Variants in CALN1 observed in about 807,000 individuals in gnomAD.
The protein encoded by CALN1 is calcium-binding protein 8.
Under a neutral mutation model 30.6 loss-of-function variants are expected in CALN1, and 17 were observed. The ratio of observed to expected loss-of-function variants is 0.56; its 90% confidence interval spans 0.38 to 0.83. The LOEUF is 0.83. Ranked by LOEUF, CALN1 falls within the 40% of genes least tolerant of loss-of-function variation. CALN1 has a pLI of 0.00. For missense variants in CALN1, 291 were observed against 354.9 expected, an observed-to-expected ratio of 0.82 and a Z score of 1.45; for synonymous variants, 156 against 131.4, an observed-to-expected ratio of 1.19 and a Z score of -1.28.
At chr7:72,164,643 A>G (rs1170110978) in intron 3 of CALN1, among the ~76,000 whole-genome samples, 1 of 152,206 alleles carries the variant, frequency 6.6e-6, no homozygotes, top group Non-Finnish European at 1.5e-5. Flanking sequence ...TTGTGATGGC[A>G]GCCCAGAAAC....
At chr7:72,379,774 C>T (rs1804780060) in intron 2 of CALN1, among the ~76,000 whole-genome samples, 1 of 152,222 alleles carries the variant, frequency 6.6e-6, no homozygotes, top group African/African-American at 2.4e-5. Flanking sequence ...CATCCATCCA[C>T]CCCTAAGCAG....
At chr7:72,400,398 AC>A in intron 2 of CALN1, among the ~76,000 whole-genome samples, 1 of 152,314 alleles carries the variant, frequency 6.6e-6, no homozygotes, top group South Asian at 2.1e-4. Context: ...GGACAGAGAA[AC>A]CCAAGAGACT....
At chr7:72,250,522 G>C (rs1471367101) in intron 3 of CALN1, among the ~76,000 whole-genome samples, 1 of 152,150 alleles carries the variant, frequency 6.6e-6, no homozygotes, top group Non-Finnish European at 1.5e-5. Context: ...ATATAGTTCA[G>C]ATGTCTGTCC....
chr7:71,938,840 C>T (rs1288192229), intron 5 of CALN1, among the ~76,000 whole-genome samples: 1 of 152,110 alleles, frequency 6.6e-6, no homozygotes, highest in Admixed American at 6.6e-5. Context: ...CACAGACTCA[C>T]TGAGAACAGA....
At chr7:72,455,620 G>A in the CALN1 span, among the ~76,000 whole-genome samples, 1 of 152,048 alleles carries the variant, frequency 6.6e-6, no homozygotes, top group Admixed American at 6.6e-5. Flanking sequence ...TTCTCATCGT[G>A]AGGACTGAGT....
chr7:71,902,877 CAG>C (rs1490263390), intron 5 of CALN1, among the ~76,000 whole-genome samples: 2 of 151,912 alleles, frequency 1.3e-5, no homozygotes, highest in African/African-American at 4.8e-5. Context: ...TGAAATAACT[CAG>C]AAAGTCAAAT....
chr7:72,457,652 A>C, the CALN1 span, among the ~76,000 whole-genome samples: 1 of 152,076 alleles, frequency 6.6e-6, no homozygotes, highest in Admixed American at 6.6e-5. Context: ...ATTTCCCTGA[A>C]ACAGTCACCA....
chr7:72,453,993 A>T, the CALN1 span, among the ~76,000 whole-genome samples: 24,310 of 148,198 alleles, frequency 0.16, 2,137 homozygotes, highest in Non-Finnish European at 0.2. Flanking sequence ...ACAACCAAAA[A>T]ATATATATAT....
At chr7:72,155,652 G>A (rs560773733) in intron 3 of CALN1, among the ~76,000 whole-genome samples, 2 of 152,276 alleles carry the variant, frequency 1.3e-5, no homozygotes, top group African/African-American at 4.8e-5. Context: ...CTTTGTACTA[G>A]GGAGGGCTAT....
chr7:72,391,253 G>A (rs1302244999), intron 2 of CALN1, among the ~76,000 whole-genome samples: 3 of 152,088 alleles, frequency 2.0e-5, no homozygotes, highest in South Asian at 2.1e-4. Context: ...AGCTGCAGAG[G>A]GCTAAGATGG....
chr7:72,203,166 C>A (rs1043024770), intron 3 of CALN1, among the ~76,000 whole-genome samples: 2 of 151,924 alleles, frequency 1.3e-5, no homozygotes, highest in Admixed American at 6.6e-5. Flanking sequence ...GAGGGGAACA[C>A]CACACACCAG....
chr7:72,268,955 T>C (rs1046571345), intron 3 of CALN1, among the ~76,000 whole-genome samples: 5 of 151,980 alleles, frequency 3.3e-5, no homozygotes, highest in African/African-American at 1.2e-4. Flanking sequence ...TTCAGGCAAA[T>C]GACAACAGGC....
At position 71,861,504 on chromosome 7, in the gene CALN1, G is replaced by C. The variant is rs148628481; in HGVS notation, c.502-51012C>G. Among the ~76,000 whole-genome samples, 987 of 152,120 alleles carry C rather than the reference G, an allele frequency of 6.5e-3. 14 individuals carry two copies. Among genetic ancestry groups the C allele is most frequent in the African/African-American group, 0.021 (892 of 41,506 alleles). ...CAAGAGTAATGTCCAGGCAAGATGT[G>C]GTGGCTCACACCTGTAATCCCAACA... On this transcript the variant is annotated intron_variant, in intron 5 of 6. Transcript: ENST00000395275.
At chr7:71,962,850 T>C (rs1002278907) in intron 5 of CALN1, among the ~76,000 whole-genome samples, 15 of 152,122 alleles carry the variant, frequency 9.9e-5, no homozygotes, top group Admixed American at 5.9e-4. Flanking sequence ...CAATCCCTGG[T>C]GAGATGAACA....
At chr7:72,334,861 T>C (rs765669731) in intron 2 of CALN1, among the ~76,000 whole-genome samples, 1 of 152,192 alleles carries the variant, frequency 6.6e-6, no homozygotes, top group Non-Finnish European at 1.5e-5. Flanking sequence ...CATGCAGCTA[T>C]TGCCATGAAA....
rs1181565638 is a variant in CALN1 at position 72,310,922 on chromosome 7, A to T, written c.120-32112T>A. 6.0e-5 allele frequency among the ~76,000 whole-genome samples: 9 copies of T among 150,748 alleles called. No homozygotes were observed. In the East Asian group the frequency reaches 1.8e-3, roughly 29 times the overall value. Reference sequence around the variant, plus strand: ...GACTCCGTCTTAAAAAAAAAAAAAAAAAAAAACAAAAATAAAGAAGAAGAA... The same window carrying T: ...GACTCCGTCTTAAAAAAAAAAAAAATAAAAAACAAAAATAAAGAAGAAGAA... On this transcript the variant is annotated intron_variant, in intron 2 of 6. Transcript: ENST00000395275.
At chr7:71,943,216 A>G (rs1332849706) in intron 5 of CALN1, among the ~76,000 whole-genome samples, 2 of 152,242 alleles carry the variant, frequency 1.3e-5, no homozygotes, top group Non-Finnish European at 2.9e-5. Context: ...CTGGTTTCAC[A>G]GTAGTTGCAC....
chr7:72,255,228 G>C (rs1383159172), intron 3 of CALN1, among the ~76,000 whole-genome samples: 1 of 151,760 alleles, frequency 6.6e-6, no homozygotes, highest in Non-Finnish European at 1.5e-5. Context: ...AGGGATTACA[G>C]GTGCCCGCCA....
At chr7:71,877,379 A>G (rs1792308610) in intron 5 of CALN1, among the ~76,000 whole-genome samples, 1 of 152,194 alleles carries the variant, frequency 6.6e-6, no homozygotes, top group Admixed American at 6.5e-5. Context: ...AACAAAAGAG[A>G]GTATAAACAT....
Sources: gnomAD v4.1 joint callset for allele counts (sites outside exome capture counted in the v4.1 genomes callset) on GRCh38, gnomAD v4.1.1 for gene constraint, MANE v1.5 for transcripts, NCBI Gene and HGNC (gene_info 2026-07-23, HGNC 2026-07-21) for gene names.